The following MDGA2 variants were observed in gnomAD, a reference collection of about 807,000 sequenced individuals.
The protein encoded by MDGA2 is MAM domain-containing glycosylphosphatidylinositol anchor protein 2.
A neutral mutation model predicts 117.8 loss-of-function variants in MDGA2; 40 were observed. That is an observed-to-expected ratio of 0.34 (90% confidence interval 0.26 to 0.44). The LOEUF (loss-of-function observed/expected upper bound fraction) is 0.44, where lower values mean the gene tolerates loss of function less well. MDGA2 is among the 20% of genes least tolerant of loss of function. The probability of loss-of-function intolerance (pLI) is 1.00; values close to 1 mark genes in which losing one functional copy is unlikely to be tolerated. For synonymous variants in MDGA2, 452 were observed against 439.0 expected (o/e 1.03, Z -0.37); for missense variants, 1,123 against 1,250.6 (o/e 0.90, Z 1.54).
chr14:47,105,774 A>C lies in MDGA2; in HGVS notation c.926-8651T>G, dbSNP rs1366932489. On this transcript the variant is annotated intron_variant, in intron 5 of 16. Transcript: ENST00000399232. ...TTTCCCTCCCGCCTGTCCCCTCAGT[A>C]CCAACCCCAAGCATCGCTGAGTCTT... 8.6e-5 allele frequency among the ~76,000 whole-genome samples: 13 copies of C among 151,090 alleles called. No homozygotes were observed. The Middle Eastern group carries it at 0.01, about 119-fold the overall frequency.
At chr14:47,577,356 A>C (rs1896135018) in intron 1 of MDGA2, among the ~76,000 whole-genome samples, 1 of 152,178 alleles carries the variant, frequency 6.6e-6, no homozygotes, top group Admixed American at 6.6e-5. Context: ...AACCTAGGCA[A>C]TAGCATTCAG....
At chr14:47,359,898 G>C (rs550541564) in intron 1 of MDGA2, among the ~76,000 whole-genome samples, 2 of 151,988 alleles carry the variant, frequency 1.3e-5, no homozygotes, top group South Asian at 2.1e-4. Flanking sequence ...AAACTAAAAG[G>C]CTTCTGCACA....
intron 4 of MDGA2, 138 bp downstream of exon 4, chr14:47,143,940 C>A: frequency 2.0e-6 from 1 of 497,100 alleles, no homozygotes; most frequent in Non-Finnish European, 3.4e-6. Flanking sequence ...GTTCTCTAAT[C>A]TTTAAGTCAA....
chr14:47,577,654 A>G (rs1283990642), intron 1 of MDGA2, among the ~76,000 whole-genome samples: 1 of 152,248 alleles, frequency 6.6e-6, no homozygotes, highest in African/African-American at 2.4e-5. Context: ...TCAAAAGAAG[A>G]CATTTATGCA....
At chr14:47,555,447 C>CA (rs1895664800) in intron 1 of MDGA2, among the ~76,000 whole-genome samples, 1 of 151,910 alleles carries the variant, frequency 6.6e-6, no homozygotes, top group African/African-American at 2.4e-5. Context: ...TTATTCTGAC[C>CA]AATATGTGTG....
At chr14:47,054,822 C>G (rs1396094866) in intron 7 of MDGA2, among the ~76,000 whole-genome samples, 1 of 151,648 alleles carries the variant, frequency 6.6e-6, no homozygotes, top group Non-Finnish European at 1.5e-5. Context: ...GAAACTGGAT[C>G]CCTTCCTTAC....
chr14:47,207,500 G>A (rs889925178), intron 3 of MDGA2, among the ~76,000 whole-genome samples: 2 of 151,908 alleles, frequency 1.3e-5, no homozygotes, highest in African/African-American at 4.8e-5. Flanking sequence ...GAAGTGATGA[G>A]AGACTGGAAT....
intron 1 of MDGA2, among the ~76,000 whole-genome samples, chr14:47,604,343 G>A (rs931605772): frequency 3.3e-5 from 5 of 151,484 alleles, no homozygotes; most frequent in Non-Finnish European, 7.4e-5. Context: ...AAGAGATGGG[G>A]TCTTGCTCTG....
rs375779450 is a variant in MDGA2 at position 46,941,397 on chromosome 14, G to GA, written c.2089+15976dup. Among the ~76,000 whole-genome samples the GA allele has an allele frequency of 1.2e-3, 176 of 152,258 alleles. 1 individual carries two copies. Among genetic ancestry groups the GA allele is most frequent in the African/African-American group, 4.1e-3 (169 of 41,548 alleles). Reference sequence around the variant, plus strand: ...AGAGCCCTGTCACAAAATCTCTCTTGATAAAAGATGCCAGATCAGGCTGTG... The same window carrying GA: ...AGAGCCCTGTCACAAAATCTCTCTTGAATAAAAGATGCCAGATCAGGCTGTG... On this transcript the variant is annotated intron_variant, in intron 9 of 16. Transcript: ENST00000399232.
intron 1 of MDGA2, among the ~76,000 whole-genome samples, chr14:47,462,220 C>T (rs1162121075): frequency 6.6e-6 from 1 of 151,584 alleles, no homozygotes; most frequent in South Asian, 2.1e-4. Flanking sequence ...ACTAAAAATA[C>T]AAAAAATTAG....
chr14:47,562,429 G>A (rs1364306847), intron 1 of MDGA2, among the ~76,000 whole-genome samples: 1 of 152,054 alleles, frequency 6.6e-6, no homozygotes, highest in Non-Finnish European at 1.5e-5. Context: ...ACTCATTATT[G>A]GTATCCAGGG....
chr14:47,560,425 T>C (rs556596404), intron 1 of MDGA2, among the ~76,000 whole-genome samples: 4 of 152,268 alleles, frequency 2.6e-5, no homozygotes, highest in African/African-American at 9.6e-5. Flanking sequence ...TGGTATCTCA[T>C]TGTGGTTTTG....
rs984389849 is a variant in MDGA2, at chr14:47,370,928, G to A, written c.281-69378C>T. On this transcript the variant is annotated intron_variant, in intron 1 of 16. Coordinates refer to ENST00000399232, the MANE Select transcript of MDGA2 (RefSeq NM_001113498.3). The stretch of plus-strand genomic sequence containing the variant: ...GTCCTGAATGTACATTTTATGTCTC[G>A]AACCTTATTACAAATTCATCAAAAG... 6.6e-5 allele frequency among the ~76,000 whole-genome samples: 10 copies of A among 151,416 alleles called. No homozygotes were observed. In the East Asian group the frequency reaches 7.8e-4, roughly 12 times the overall value.
At chr14:46,929,597 GTGTGTATATATATATATATATATA>G in intron 9 of MDGA2, among the ~76,000 whole-genome samples, 1 of 15,456 alleles carries the variant, frequency 6.5e-5, no homozygotes, top group East Asian at 1.1e-3. Context: ...GTGTGTGTGT[GTGTGTATATATATATATATATATA>G]TATATATATA....
chr14:47,584,187 C>T (rs1050714218), intron 1 of MDGA2, among the ~76,000 whole-genome samples: 2 of 151,860 alleles, frequency 1.3e-5, no homozygotes, highest in African/African-American at 4.8e-5. Context: ...ATTGAACAAG[C>T]ATTTACTATG....
chr14:47,333,183 G>A (rs934755812), intron 1 of MDGA2, among the ~76,000 whole-genome samples: 2 of 151,830 alleles, frequency 1.3e-5, no homozygotes, highest in African/African-American at 4.8e-5. Context: ...AGATTAAATG[G>A]TAGTTCTATT....
Position 46,956,858 on chromosome 14 carries a change from C to T in MDGA2, c.2089+516G>A, listed in dbSNP as rs201212502. Reference sequence around the variant, plus strand: ...GGGTGGATTTCCCCCTTGCTGTTCTCGTGATGGTGAGTCAGTTCCCATGAG... The same window carrying T: ...GGGTGGATTTCCCCCTTGCTGTTCTTGTGATGGTGAGTCAGTTCCCATGAG... On this transcript the variant is annotated intron_variant, in intron 9 of 16. Transcript: ENST00000399232. 3.9e-5 allele frequency among the ~76,000 whole-genome samples: 6 copies of T among 152,132 alleles called. No individual in the cohort carries two copies. In the East Asian group the frequency reaches 5.8e-4, roughly 15 times the overall value.
At chr14:47,351,960 T>C (rs1890894616) in intron 1 of MDGA2, among the ~76,000 whole-genome samples, 1 of 151,578 alleles carries the variant, frequency 6.6e-6, no homozygotes, top group Non-Finnish European at 1.5e-5. Flanking sequence ...TATACACATA[T>C]GCATATATAA....
chr14:46,894,612 G>T (rs78569450), intron 10 of MDGA2, among the ~76,000 whole-genome samples: 3 of 152,182 alleles, frequency 2.0e-5, no homozygotes, highest in African/African-American at 7.2e-5. Flanking sequence ...GACTCCAGTG[G>T]ATGTGTGCTT....
Sources: allele counts gnomAD v4.1 joint callset (sites outside exome capture counted in the v4.1 genomes callset), GRCh38; gene constraint gnomAD v4.1.1; transcripts MANE v1.5; gene names NCBI Gene and HGNC (gene_info 2026-07-23, HGNC 2026-07-21).